SLCO1B1: variants seen among roughly 807,000 people sequenced by gnomAD.
SLCO1B1 encodes the protein solute carrier organic anion transporter family member 1B1.
In SLCO1B1, 81 loss-of-function variants were observed where a neutral mutation model predicts 70.1. The observed-to-expected ratio is 1.16, with a 90% CI of 0.97 to 1.39. SLCO1B1 has a LOEUF of 1.39. Ranked by LOEUF, SLCO1B1 falls within the 40% of genes most tolerant of loss-of-function variation. The pLI, the probability that SLCO1B1 is intolerant of heterozygous loss-of-function variation, is 0.00. For missense variants in SLCO1B1, 895 were observed against 799.6 expected (o/e 1.12, Z -1.44); for synonymous variants, 283 against 271.5 (o/e 1.04, Z -0.42).
chr12:21,148,808 T>C (rs1056583804), intron 2 of SLCO1B1, among the ~76,000 whole-genome samples: 1 of 151,978 alleles, frequency 6.6e-6, no homozygotes, highest in Non-Finnish European at 1.5e-5. Flanking sequence ...ATAAATTACT[T>C]TGGGCAGTAT....
Position 21,174,712 on chromosome 12 carries a change from A to C in SLCO1B1, c.359+3A>C, listed in dbSNP as rs371223151. 2 of 1,577,338 alleles carry C rather than the reference A, an allele frequency of 1.3e-6. No homozygotes were observed. The highest frequency in any genetic ancestry group is 2.8e-5 in the African/African-American group (2 of 70,450). ...TTGCCACATTTCTTCATGGGATAGTAAGTGTTAAAAAAAAAAAAAACCTCT... is the reference window on the plus strand; with the variant it reads ...TTGCCACATTTCTTCATGGGATAGTCAGTGTTAAAAAAAAAAAAAACCTCT... On this transcript the variant is annotated splice_donor_region_variant and intron_variant, in intron 4 of 14. Transcript: ENST00000256958.
intron 2 of SLCO1B1, among the ~76,000 whole-genome samples, chr12:21,145,230 G>A (rs545924773): frequency 1.1e-4 from 16 of 152,230 alleles, no homozygotes; most frequent in Admixed American, 7.2e-4. Context: ...TCTCAGAGTT[G>A]TCAGGATATT....
At chr12:21,160,531 T>C (rs576533981) in intron 2 of SLCO1B1, among the ~76,000 whole-genome samples, 1 of 151,862 alleles carries the variant, frequency 6.6e-6, no homozygotes, top group Admixed American at 6.6e-5. Context: ...GACTAAAGAC[T>C]TAAATCTAAA....
chr12:21,206,775 C>A (rs540801911), intron 11 of SLCO1B1, among the ~76,000 whole-genome samples: 1 of 152,046 alleles, frequency 6.6e-6, no homozygotes, highest in East Asian at 1.9e-4. Context: ...ACAATCCACT[C>A]AACATCTCAC....
At chr12:21,212,922 T>A (rs929655402) in intron 11 of SLCO1B1, among the ~76,000 whole-genome samples, 8 of 152,090 alleles carry the variant, frequency 5.3e-5, no homozygotes, top group African/African-American at 1.9e-4. Flanking sequence ...GCTTGGTAGA[T>A]CTTCCTCCAT....
At chr12:21,156,331 T>C (rs1940542416) in intron 2 of SLCO1B1, among the ~76,000 whole-genome samples, 3 of 152,152 alleles carry the variant, frequency 2.0e-5, no homozygotes, top group Non-Finnish European at 4.4e-5. Context: ...ATGACAAATG[T>C]TCATCTTTTA....
intron 2 of SLCO1B1, among the ~76,000 whole-genome samples, chr12:21,159,923 GA>G (rs1232142422): frequency 2.0e-5 from 3 of 151,712 alleles, no homozygotes; most frequent in Admixed American, 1.3e-4. Context: ...CTAGGGAGGT[GA>G]AAAATCTCTA....
chr12:21,154,169 A>G (rs981006125), intron 2 of SLCO1B1, among the ~76,000 whole-genome samples: 20 of 152,190 alleles, frequency 1.3e-4, no homozygotes, highest in Non-Finnish European at 2.4e-4. Context: ...CAAGACAAAC[A>G]TTCTAGCATG....
intron 7 of SLCO1B1, among the ~76,000 whole-genome samples, chr12:21,183,117 G>A (rs796069412): frequency 3.9e-5 from 6 of 152,304 alleles, no homozygotes; most frequent in African/African-American, 1.4e-4. Context: ...AAAAACAAAA[G>A]AGTTATGTCC....
intron 2 of SLCO1B1, among the ~76,000 whole-genome samples, chr12:21,150,902 AT>A (rs1940462651): frequency 6.6e-6 from 1 of 152,188 alleles, no homozygotes; most frequent in South Asian, 2.1e-4. Flanking sequence ...GTCAATTTCA[AT>A]CTTTTAATTA....
chr12:21,164,559 C>G (rs1940662062), intron 2 of SLCO1B1, among the ~76,000 whole-genome samples: 1 of 152,072 alleles, frequency 6.6e-6, no homozygotes, highest in South Asian at 2.1e-4. Context: ...AATTAACCAT[C>G]TAAAATTTAA....
intron 2 of SLCO1B1, among the ~76,000 whole-genome samples, chr12:21,162,692 GCTTTA>G (rs1396421319): frequency 6.6e-6 from 1 of 152,086 alleles, no homozygotes; most frequent in Non-Finnish European, 1.5e-5. Flanking sequence ...TTCCCTTTAT[GCTTTA>G]CTTCAGTTTT....
At chr12:21,184,782 C>T (rs1459346153) in intron 7 of SLCO1B1, among the ~76,000 whole-genome samples, 1 of 152,034 alleles carries the variant, frequency 6.6e-6, no homozygotes, top group East Asian at 1.9e-4. Flanking sequence ...TGAATGTAAA[C>T]AGGCTAAATG....
At position 21,209,478 on chromosome 12, in the gene SLCO1B1, T is replaced by C. The variant is rs1225892762; in HGVS notation, c.1497+3445T>C. On this transcript the variant is annotated intron_variant, in intron 11 of 14. Transcript: ENST00000256958. The stretch of plus-strand genomic sequence containing the variant: ...TATCACTGTTGGACATTTGGGTGGG[T>C]TCCAAGTCTTTGCTATTGTGAATAA... Among the ~76,000 whole-genome samples, 2 of 152,166 alleles carry C rather than the reference T, an allele frequency of 1.3e-5. 1 individual carries two copies. Among genetic ancestry groups the C allele is most frequent in the Admixed American group, 1.3e-4 (2 of 15,264 alleles).
At chr12:21,150,967 A>G (rs1216916866) in intron 2 of SLCO1B1, among the ~76,000 whole-genome samples, 1 of 152,234 alleles carries the variant, frequency 6.6e-6, no homozygotes, top group Non-Finnish European at 1.5e-5. Context: ...GTCATGTGTC[A>G]TTTAACAACA....
chr12:21,132,459 A>G (rs994485909), intron 1 of SLCO1B1, among the ~76,000 whole-genome samples: 1 of 152,208 alleles, frequency 6.6e-6, no homozygotes, highest in African/African-American at 2.4e-5. Flanking sequence ...CCAACAGTGT[A>G]AAAGTGTTCC....
At chr12:21,194,115 T>A (rs183178414) in intron 7 of SLCO1B1, among the ~76,000 whole-genome samples, 17 of 150,130 alleles carry the variant, frequency 1.1e-4, no homozygotes, top group Admixed American at 5.3e-4. Context: ...TATTTCAGAC[T>A]TCCACAGATC....
At chr12:21,208,446 T>A (rs1941239311) in intron 11 of SLCO1B1, among the ~76,000 whole-genome samples, 2 of 152,108 alleles carry the variant, frequency 1.3e-5, no homozygotes, top group Admixed American at 1.3e-4. Context: ...TTTAGGTGTG[T>A]GGCTTTGCTT....
Position 21,172,645 on chromosome 12 carries a change from C to T in SLCO1B1, c.85-5C>T. 6.2e-7 allele frequency: 1 copy of T among 1,613,560 alleles called. No homozygotes were observed. The highest frequency in any genetic ancestry group is 1.3e-5 in the African/African-American group (1 of 75,006). On this transcript the variant is annotated splice_polypyrimidine_tract_variant and splice_region_variant and intron_variant, in intron 2 of 14. Coordinates refer to ENST00000256958, the MANE Select transcript of SLCO1B1 (RefSeq NM_006446.5). ...TTTTCCCCCTTTCCTTCTGATTTTT[C>T]TTAGATGTTCTTGGCAGCTCTGTCA... is the stretch of plus-strand genomic sequence containing the variant.
Sources: gnomAD v4.1 joint callset for allele counts (sites outside exome capture counted in the v4.1 genomes callset) on GRCh38, gnomAD v4.1.1 for gene constraint, MANE v1.5 for transcripts, NCBI Gene and HGNC (gene_info 2026-07-23, HGNC 2026-07-21) for gene names.